The following CEP112 variants were observed in gnomAD, a reference collection of about 807,000 sequenced individuals.
CEP112 encodes centrosomal protein of 112 kDa.
A neutral mutation model predicts 153.0 loss-of-function variants in CEP112; 127 were observed. That is an observed-to-expected ratio of 0.83 (90% CI 0.72 to 0.96). The LOEUF (loss-of-function observed/expected upper bound fraction) is 0.96. Ranked by LOEUF, CEP112 falls within the 40% of genes least tolerant of loss-of-function variation. The pLI is 0.00. For synonymous variants in CEP112, 358 were observed against 374.4 expected (o/e 0.96, Z 0.51); for missense variants, 1,089 against 1,101.2 (o/e 0.99, Z 0.16).
intron 24 of CEP112, chr17:65,644,567 A>G (rs1473353305): frequency 3.3e-5 from 6 of 183,184 alleles, no homozygotes; most frequent in Non-Finnish European, 6.8e-5. Context: ...TGATGTCTAT[A>G]AGGAGCTCAT....
At chr17:66,121,276 C>CA (rs34302471) in intron 6 of CEP112, among the ~76,000 whole-genome samples, 59,849 of 137,840 alleles carry the variant, frequency 0.43, 12,759 homozygotes, top group East Asian at 0.65. Flanking sequence ...CACTTCGTCT[C>CA]AAAAAAAAAA....
At chr17:65,667,948 G>A (rs1427469328) in intron 24 of CEP112, among the ~76,000 whole-genome samples, 1 of 151,112 alleles carries the variant, frequency 6.6e-6, no homozygotes, top group Non-Finnish European at 1.5e-5. Flanking sequence ...CCAGGATGGA[G>A]TGCAGTGGCG....
At chr17:65,994,878 CTT>C (rs959317491) in intron 17 of CEP112, among the ~76,000 whole-genome samples, 4 of 152,164 alleles carry the variant, frequency 2.6e-5, no homozygotes, top group African/African-American at 9.7e-5. Context: ...TTTCGGTTCT[CTT>C]TCTCTCTCTG....
intron 17 of CEP112, among the ~76,000 whole-genome samples, chr17:65,990,997 T>A (rs1226362722): frequency 3.3e-5 from 5 of 152,150 alleles, no homozygotes; most frequent in African/African-American, 4.8e-5. Context: ...GGTCCCTGAA[T>A]AACCAACAGC....
intron 24 of CEP112, among the ~76,000 whole-genome samples, chr17:65,657,219 C>T (rs1048778824): frequency 6.6e-6 from 1 of 152,162 alleles, no homozygotes; most frequent in Non-Finnish European, 1.5e-5. Flanking sequence ...CTTCTAAAAC[C>T]AAATGCCAGC....
At position 66,049,604 on chromosome 17, in the gene CEP112, G is replaced by T. The variant is rs138367830; in HGVS notation, c.1218+4132C>A. Among the ~76,000 whole-genome samples, 382 of 152,156 alleles carry T rather than the reference G, an allele frequency of 2.5e-3. 2 individuals carry two copies. Among genetic ancestry groups the T allele is most frequent in the African/African-American group, 8.8e-3 (365 of 41,512 alleles). ...ATCTCTACTAAAAATACAAAAATCA[G>T]CTGGGCCATGGTGGCACACACCTGT... On this transcript the variant is annotated intron_variant, in intron 12 of 26. Transcript: ENST00000535342.
At chr17:66,147,444 T>C (rs1156355734) in intron 4 of CEP112, among the ~76,000 whole-genome samples, 3 of 152,204 alleles carry the variant, frequency 2.0e-5, no homozygotes, top group Admixed American at 2.0e-4. Flanking sequence ...TTCCATTGAC[T>C]GCTTTTTCAC....
chr17:65,883,127 C>A (rs1229228332), intron 20 of CEP112, among the ~76,000 whole-genome samples: 1 of 151,986 alleles, frequency 6.6e-6, no homozygotes, highest in East Asian at 1.9e-4. Flanking sequence ...AATAATAAAT[C>A]TGCAATTTAA....
chr17:65,863,190 T>A (rs1217700551), intron 20 of CEP112, among the ~76,000 whole-genome samples: 1 of 152,188 alleles, frequency 6.6e-6, no homozygotes, highest in East Asian at 1.9e-4. Flanking sequence ...TAATTTACGG[T>A]CTTTTAGTCT....
At chr17:65,806,985 C>G (rs185868489) in intron 21 of CEP112, among the ~76,000 whole-genome samples, 4 of 152,166 alleles carry the variant, frequency 2.6e-5, no homozygotes, top group African/African-American at 9.6e-5. Flanking sequence ...CAAAAGAAGA[C>G]AGAAAGATGT....
At chr17:65,997,158 C>T (rs987060806) in intron 17 of CEP112, among the ~76,000 whole-genome samples, 15 of 152,154 alleles carry the variant, frequency 9.9e-5, no homozygotes, top group African/African-American at 2.9e-4. Flanking sequence ...TTGCAGTGAG[C>T]CGAGATTACG....
chr17:66,067,091 G>A lies in CEP112; in HGVS notation c.856-214C>T, dbSNP rs930247268. 5.9e-5 allele frequency among the ~76,000 whole-genome samples: 9 copies of A among 151,466 alleles called. No homozygotes were observed. In the East Asian group the frequency reaches 1.7e-3, roughly 29 times the overall value. On this transcript the variant is annotated intron_variant, in intron 9 of 26. Coordinates refer to ENST00000535342, the MANE Select transcript of CEP112 (RefSeq NM_001199165.4). ...TCTCTTATCCACAGCTTTACTGTCT[G>A]CTGTTTCAGTTAGATGCGTGTGTTT...
chr17:66,086,830 T>A (rs1486786928), intron 8 of CEP112, among the ~76,000 whole-genome samples: 1 of 152,216 alleles, frequency 6.6e-6, no homozygotes, highest in African/African-American at 2.4e-5. Context: ...TCCTTACATA[T>A]GTCTCTATTT....
chr17:66,002,414 T>A (rs2064097890), intron 17 of CEP112, among the ~76,000 whole-genome samples: 1 of 152,100 alleles, frequency 6.6e-6, no homozygotes. Flanking sequence ...CACTTAGAAG[T>A]CATTAGGAGA....
intron 24 of CEP112, among the ~76,000 whole-genome samples, chr17:65,648,717 A>AGGGAGAACTAAAACATATTTT (rs1355027188): frequency 1.5e-4 from 23 of 152,338 alleles, no homozygotes; most frequent in Non-Finnish European, 3.1e-4. Flanking sequence ...AAAATAGCGA[A>AGGGAGAACTAAAACATATTTT]GGGAGAACTA....
chr17:66,006,146 G>A (rs1288010205), intron 16 of CEP112, among the ~76,000 whole-genome samples: 1 of 152,128 alleles, frequency 6.6e-6, no homozygotes, highest in Non-Finnish European at 1.5e-5. Flanking sequence ...TAATGGTTAT[G>A]ATGAAATGGT....
chr17:65,833,516 A>G (rs2057174563), intron 21 of CEP112, among the ~76,000 whole-genome samples: 2 of 152,204 alleles, frequency 1.3e-5, no homozygotes, highest in South Asian at 4.1e-4. Context: ...TTTAGGATGT[A>G]AAATCAATGT....
At chr17:65,717,851 C>T (rs1220698601) in intron 23 of CEP112, among the ~76,000 whole-genome samples, 1 of 152,076 alleles carries the variant, frequency 6.6e-6, no homozygotes, top group Non-Finnish European at 1.5e-5. Flanking sequence ...AAATAAGCAA[C>T]ACAAAAGCAG....
At chr17:65,938,806 G>A (rs890559872) in intron 18 of CEP112, among the ~76,000 whole-genome samples, 17 of 150,220 alleles carry the variant, frequency 1.1e-4, no homozygotes, top group Non-Finnish European at 1.9e-4. Context: ...AGTAACAAAC[G>A]ATTCAAAAAA....
Sources: allele counts gnomAD v4.1 joint callset (sites outside exome capture counted in the v4.1 genomes callset), GRCh38; gene constraint gnomAD v4.1.1; transcripts MANE v1.5; gene names NCBI Gene and HGNC (gene_info 2026-07-23, HGNC 2026-07-21).